The following NGEF variants were observed in gnomAD, a reference collection of about 807,000 sequenced individuals.
NGEF encodes the protein ephexin-1.
In NGEF, 31 loss-of-function variants were observed where a neutral mutation model predicts 80.9. The ratio of observed to expected loss-of-function variants is 0.38; its 90% CI spans 0.29 to 0.52. The LOEUF is 0.52. Ranked by LOEUF, NGEF falls within the 20% of genes least tolerant of loss-of-function variation. The pLI is 0.84. For missense variants in NGEF, 709 were observed against 926.2 expected (o/e 0.77, Z 3.04); for synonymous variants, 371 against 370.2 (o/e 1.00, Z -0.03).
chr2:232,943,530 C>T (rs529813044), intron 3 of NGEF, among the ~76,000 whole-genome samples: 2 of 142,072 alleles, frequency 1.4e-5, no homozygotes, highest in South Asian at 2.3e-4. Flanking sequence ...GAGTCTCACT[C>T]TGTCGCCCAG....
intron 4 of NGEF, among the ~76,000 whole-genome samples, chr2:232,923,194 C>T (rs527531563): frequency 5.7e-4 from 87 of 152,222 alleles, no homozygotes; most frequent in Non-Finnish European, 1.1e-3. Flanking sequence ...GTGCTATAGT[C>T]GGCAAATCAT....
At chr2:232,942,792 C>CAAA (rs35882284) in intron 3 of NGEF, among the ~76,000 whole-genome samples, 23,461 of 120,054 alleles carry the variant, frequency 0.2, 2,075 homozygotes, top group Non-Finnish European at 0.24. Context: ...GACTCCGTCT[C>CAAA]AAAAAAAAAA....
At chr2:232,895,697 G>A (rs1476998309) in intron 5 of NGEF, among the ~76,000 whole-genome samples, 2 of 152,130 alleles carry the variant, frequency 1.3e-5, no homozygotes, top group Non-Finnish European at 2.9e-5. Flanking sequence ...TGTCAAGCAC[G>A]AGTGTCACGG....
chr2:233,010,566 GA>G (rs1695180992), intron 1 of NGEF, among the ~76,000 whole-genome samples: 1 of 149,738 alleles, frequency 6.7e-6, no homozygotes, highest in African/African-American at 2.5e-5. Flanking sequence ...CTCCTCATTT[GA>G]ACGTGTGATT....
chr2:232,983,290 C>T (rs548555171), intron 1 of NGEF, among the ~76,000 whole-genome samples: 199 of 152,100 alleles, frequency 1.3e-3, no homozygotes, highest in African/African-American at 4.6e-3. Flanking sequence ...GCCCCTACTA[C>T]GCCGTGGCCA....
At chr2:232,993,794 TA>T (rs1694722116) in intron 1 of NGEF, among the ~76,000 whole-genome samples, 1 of 152,192 alleles carries the variant, frequency 6.6e-6, no homozygotes, top group African/African-American at 2.4e-5. Flanking sequence ...GACATTTTGC[TA>T]AGTGAAAGAA....
intron 3 of NGEF, among the ~76,000 whole-genome samples, chr2:232,952,894 G>A (rs1489830764): frequency 3.6e-5 from 5 of 139,058 alleles, no homozygotes; most frequent in East Asian, 4.6e-4. Flanking sequence ...ACTTGAACCC[G>A]GAGGCAGAGG....
chr2:232,931,201 C>T (rs1209008044), intron 3 of NGEF, among the ~76,000 whole-genome samples: 1 of 152,206 alleles, frequency 6.6e-6, no homozygotes, highest in Non-Finnish European at 1.5e-5. Context: ...TTCTCCAAAG[C>T]TGGAGAATAA....
intron 4 of NGEF, among the ~76,000 whole-genome samples, chr2:232,920,825 T>C (rs570413410): frequency 9.2e-5 from 14 of 152,062 alleles, no homozygotes; most frequent in Non-Finnish European, 2.1e-4. Context: ...CATAAAGAAA[T>C]GCCCGAATGG....
At chr2:232,995,891 T>C (rs1694832834) in intron 1 of NGEF, among the ~76,000 whole-genome samples, 1 of 151,232 alleles carries the variant, frequency 6.6e-6, no homozygotes, top group Non-Finnish European at 1.5e-5. Context: ...CTATAATACA[T>C]ATATGGATAT....
At chr2:232,925,848 C>T (rs1271810726) in intron 4 of NGEF, among the ~76,000 whole-genome samples, 2 of 152,176 alleles carry the variant, frequency 1.3e-5, no homozygotes, top group Non-Finnish European at 2.9e-5. Flanking sequence ...TCTCCATTCC[C>T]TCAGCAAACA....
At position 232,906,123 on chromosome 2, in the gene NGEF, GTC is replaced by G. The variant is rs1559203551; in HGVS notation, c.829-11209_829-11208del. On this transcript the variant is annotated intron_variant, in intron 5 of 14. Transcript: ENST00000264051. ...CGTCCCGTCTGGGAGGGAGGTGGGG[GTC>G]TCAGCCCCCCGCCCGGCCACCCGCC... is the stretch of plus-strand genomic sequence containing the variant. Among the ~76,000 whole-genome samples, 100 of 89,980 alleles carry G rather than the reference GTC, an allele frequency of 1.1e-3. 3 individuals carry two copies. The highest frequency in any genetic ancestry group is 1.7e-3 in the Non-Finnish European group (69 of 41,096). 59.0% of individuals were successfully genotyped at this position (89,980 alleles called of 152,430 possible).
intron 10 of NGEF, among the ~76,000 whole-genome samples, chr2:232,884,519 G>T (rs1461755195): frequency 1.3e-5 from 2 of 151,512 alleles, no homozygotes; most frequent in Non-Finnish European, 3.0e-5. Flanking sequence ...GCCTGTGAGT[G>T]TGGCAGCTAG....
intron 1 of NGEF, among the ~76,000 whole-genome samples, chr2:232,975,966 C>T (rs886376116): frequency 2.6e-5 from 4 of 152,244 alleles, no homozygotes; most frequent in Non-Finnish European, 5.9e-5. Context: ...TTTGGGAGGC[C>T]GAGGCGAGCA....
intron 14 of NGEF, among the ~76,000 whole-genome samples, 187 bp downstream of exon 14, chr2:232,880,959 C>T (rs1691482425): frequency 2.6e-5 from 4 of 152,208 alleles, no homozygotes; most frequent in Admixed American, 6.5e-5. Context: ...AACAATTCCT[C>T]CTTTACACTG....
intron 2 of NGEF, among the ~76,000 whole-genome samples, chr2:232,971,898 A>G (rs983970999): frequency 9.2e-5 from 14 of 151,890 alleles, no homozygotes; most frequent in African/African-American, 3.1e-4. Context: ...TTTTCTTGCA[A>G]CCCTGAAAGA....
intron 5 of NGEF, 92 bp from the exon 6 acceptor site, chr2:232,895,008 A>T (rs1574995938): frequency 2.1e-6 from 3 of 1,410,138 alleles, no homozygotes; most frequent in Non-Finnish European, 2.9e-6. Flanking sequence ...AGGGAGGCTC[A>T]GCAGGGAGTT....
At chr2:232,919,294 G>C (rs1692882027) in intron 5 of NGEF, among the ~76,000 whole-genome samples, 1 of 151,968 alleles carries the variant, frequency 6.6e-6, no homozygotes, top group Admixed American at 6.6e-5. Context: ...AGGACTTTTG[G>C]AACCACAGCT....
At chr2:232,894,634 G>T in intron 6 of NGEF, 122 bp downstream of exon 6, 2 of 1,004,784 alleles carry the variant, frequency 2.0e-6, no homozygotes, top group Non-Finnish European at 2.8e-6. Flanking sequence ...TTTTATTATG[G>T]AACATTCCAA....
Sources: allele counts gnomAD v4.1 joint callset (sites outside exome capture counted in the v4.1 genomes callset), GRCh38; gene constraint gnomAD v4.1.1; transcripts MANE v1.5; gene names NCBI Gene and HGNC (gene_info 2026-07-23, HGNC 2026-07-21).